Variants in PTPRT observed in about 807,000 individuals in gnomAD.
PTPRT encodes protein tyrosine phosphatase receptor type T, also known as receptor-type tyrosine-protein phosphatase T.
PTPRT carries 56 observed loss-of-function variants against 176.8 expected under a neutral mutation model. The ratio of observed to expected loss-of-function variants is 0.32; its 90% CI spans 0.26 to 0.40. The LOEUF (loss-of-function observed/expected upper bound fraction) is 0.40. Among genes scored for constraint, PTPRT ranks in the 10% least tolerant of loss-of-function variants. The pLI is 1.00. For synonymous variants in PTPRT, 783 were observed against 739.0 expected (o/e 1.06, Z -0.96); for missense variants, 1,540 against 1,908.2 (o/e 0.81, Z 3.60).
chr20:42,033,777 TG>T, the PTPRT span, among the ~76,000 whole-genome samples: 13 of 152,134 alleles, frequency 8.5e-5, no homozygotes, highest in African/African-American at 2.9e-4. Context: ...ATGATTTGCA[TG>T]GGGGGATCTG....
At chr20:42,947,268 T>C (rs1004334081) in intron 1 of PTPRT, among the ~76,000 whole-genome samples, 2 of 152,194 alleles carry the variant, frequency 1.3e-5, no homozygotes, top group African/African-American at 4.8e-5. Flanking sequence ...AGTTGGATTA[T>C]TTTGTTTTGT....
chr20:42,562,729 T>C (rs1159990580), intron 7 of PTPRT, among the ~76,000 whole-genome samples: 1 of 152,004 alleles, frequency 6.6e-6, no homozygotes, highest in Non-Finnish European at 1.5e-5. Context: ...CTACATGGAG[T>C]CCATCACCCT....
At chr20:43,164,577 C>T (rs75344197) in intron 1 of PTPRT, among the ~76,000 whole-genome samples, 21 of 151,992 alleles carry the variant, frequency 1.4e-4, no homozygotes, top group Admixed American at 6.5e-5. Context: ...GTTGACTATA[C>T]GAGAAGAGAA....
intron 12 of PTPRT, among the ~76,000 whole-genome samples, chr20:42,287,034 C>T (rs1256692292): frequency 6.6e-6 from 1 of 151,894 alleles, no homozygotes; most frequent in Non-Finnish European, 1.5e-5. Context: ...ATTAAAACTA[C>T]AATGAGGTAT....
At chr20:43,070,239 C>T (rs1207038015) in intron 1 of PTPRT, among the ~76,000 whole-genome samples, 1 of 152,164 alleles carries the variant, frequency 6.6e-6, no homozygotes, top group Middle Eastern at 3.2e-3. Context: ...CAGCTTCCTC[C>T]TTCTCCAAAG....
chr20:42,329,573 T>C (rs756323713), intron 11 of PTPRT, among the ~76,000 whole-genome samples: 15 of 151,454 alleles, frequency 9.9e-5, no homozygotes, highest in Non-Finnish European at 1.9e-4. Context: ...CAATAAACGG[T>C]GTGGAGGAAA....
At chr20:43,086,446 C>T (rs932994659) in intron 1 of PTPRT, among the ~76,000 whole-genome samples, 1 of 152,218 alleles carries the variant, frequency 6.6e-6, no homozygotes, top group African/African-American at 2.4e-5. Flanking sequence ...CTAAAGATCA[C>T]ACGTACTGTG....
intron 27 of PTPRT, among the ~76,000 whole-genome samples, chr20:42,097,051 G>A (rs1440401656): frequency 6.6e-6 from 1 of 152,184 alleles, no homozygotes; most frequent in Non-Finnish European, 1.5e-5. Context: ...CAGTGTGGGT[G>A]GAAGCCCAAC....
chr20:42,508,861 G>C (rs114496221), intron 7 of PTPRT, among the ~76,000 whole-genome samples: 1 of 147,122 alleles, frequency 6.8e-6, no homozygotes, highest in Non-Finnish European at 1.5e-5. Flanking sequence ...AATGATGGCT[G>C]TTTATCCTTA....
At chr20:42,104,531 T>C (rs1236746112) in intron 25 of PTPRT, 38 bp downstream of exon 25, 2 of 1,573,422 alleles carry the variant, frequency 1.3e-6, no homozygotes, top group South Asian at 2.3e-5. Context: ...CAACCCAAAC[T>C]GACTAAGATG....
chr20:42,840,527 G>A (rs577869123), intron 2 of PTPRT, among the ~76,000 whole-genome samples: 16 of 151,808 alleles, frequency 1.1e-4, no homozygotes, highest in East Asian at 5.8e-4. Flanking sequence ...ATTCTCCTGC[G>A]TCAGCCTCCC....
chr20:43,181,304 A>G (rs2015252441), intron 1 of PTPRT, among the ~76,000 whole-genome samples: 1 of 152,210 alleles, frequency 6.6e-6, no homozygotes, highest in Admixed American at 6.5e-5. Context: ...GTGAGACGAT[A>G]AAGCCACTGC....
intron 1 of PTPRT, among the ~76,000 whole-genome samples, chr20:42,997,564 T>C (rs1984291596): frequency 6.6e-6 from 1 of 152,116 alleles, no homozygotes; most frequent in African/African-American, 2.4e-5. Context: ...CACAAGCTCT[T>C]CCACTAAGCC....
rs1407931996 is a variant in PTPRT at position 42,391,660 on chromosome 20, G to A, written c.1561-39375C>T. ...GCCTAAAGAGCGGGAGGAAGGGAAT[G>A]CAACAATGATAGAGCTTGGATGAGC... is the stretch of plus-strand genomic sequence containing the variant. On this transcript the variant is annotated intron_variant, in intron 9 of 30. Transcript: ENST00000373187. 2.6e-5 allele frequency among the ~76,000 whole-genome samples: 4 copies of A among 152,138 alleles called. No individual in the cohort carries two copies. The East Asian group carries it at 5.8e-4, about 22-fold the overall frequency.
intron 7 of PTPRT, among the ~76,000 whole-genome samples, chr20:42,633,946 ATATAT>A (rs1228671154): frequency 2.4e-5 from 1 of 42,026 alleles, no homozygotes; most frequent in African/African-American, 9.4e-5. Flanking sequence ...ATATAATATA[ATATAT>A]AATTATATAT....
chr20:42,366,839 G>A (rs1281128190), intron 9 of PTPRT, among the ~76,000 whole-genome samples: 1 of 152,252 alleles, frequency 6.6e-6, no homozygotes, highest in Non-Finnish European at 1.5e-5. Flanking sequence ...TAAAACCCAC[G>A]AAGTGAGCAG....
intron 1 of PTPRT, among the ~76,000 whole-genome samples, chr20:42,936,580 T>C (rs965506369): frequency 1.3e-5 from 2 of 152,158 alleles, no homozygotes; most frequent in East Asian, 1.9e-4. Context: ...CTCTTGACTA[T>C]GGGGTGGAAG....
intron 11 of PTPRT, among the ~76,000 whole-genome samples, chr20:42,344,936 T>C (rs1043682217): frequency 6.6e-6 from 1 of 152,030 alleles, no homozygotes; most frequent in Non-Finnish European, 1.5e-5. Context: ...TCTTCCCTTC[T>C]TCACTAACTC....
intron 1 of PTPRT, among the ~76,000 whole-genome samples, chr20:42,979,793 A>T (rs1008644183): frequency 6.6e-6 from 1 of 152,058 alleles, no homozygotes; most frequent in Non-Finnish European, 1.5e-5. Context: ...CTTTGGTCTA[A>T]AGGTGAATAA....
Sources: allele counts gnomAD v4.1 joint callset (sites outside exome capture counted in the v4.1 genomes callset), GRCh38; gene constraint gnomAD v4.1.1; transcripts MANE v1.5; gene names NCBI Gene and HGNC (gene_info 2026-07-23, HGNC 2026-07-21).